The following MICAL2 variants were observed in gnomAD, a reference collection of about 807,000 sequenced individuals.
The protein encoded by MICAL2 is microtubule associated monooxygenase, calponin and LIM domain containing 2.
In MICAL2, 77 loss-of-function variants were observed where a neutral mutation model predicts 127.3. The observed-to-expected ratio is 0.60, with a 90% confidence interval of 0.50 to 0.73. The LOEUF (loss-of-function observed/expected upper bound fraction) is 0.73, where lower values mean the gene tolerates loss of function less well. Among genes scored for constraint, MICAL2 ranks in the 30% least tolerant of loss-of-function variants. MICAL2 has a pLI of 0.00. For missense variants in MICAL2, 1,351 were observed against 1,434.4 expected, an observed-to-expected ratio of 0.94 and a Z score of 0.94; for synonymous variants, 570 against 551.1, an observed-to-expected ratio of 1.03 and a Z score of -0.48.
At chr11:12,118,641 ATGT>A (rs1850245331) in intron 1 of MICAL2, among the ~76,000 whole-genome samples, 1 of 152,190 alleles carries the variant, frequency 6.6e-6, no homozygotes, top group Non-Finnish European at 1.5e-5. Context: ...CCTCAGGGGC[ATGT>A]TGTGGATGCA....
chr11:12,232,763 G>A (rs753404050), intron 15 of MICAL2, among the ~76,000 whole-genome samples: 2 of 152,126 alleles, frequency 1.3e-5, no homozygotes, highest in Non-Finnish European at 2.9e-5. Context: ...ACTAACACTA[G>A]CCTCACTAAT....
At chr11:12,289,725 T>C (rs1863873780), downstream of MICAL2, among the ~76,000 whole-genome samples, 1 of 152,036 alleles carries the variant, frequency 6.6e-6, no homozygotes, top group Non-Finnish European at 1.5e-5. Flanking sequence ...CGCACCACCA[T>C]GCCTGGCTAA....
intron 1 of MICAL2, among the ~76,000 whole-genome samples, chr11:12,114,667 G>T (rs1849857653): frequency 2.0e-5 from 3 of 152,188 alleles, no homozygotes; most frequent in Non-Finnish European, 2.9e-5. Flanking sequence ...CTCAGGAAAT[G>T]TGCTTTGAAT....
At chr11:12,152,054 G>A (rs1338505515) in intron 2 of MICAL2, among the ~76,000 whole-genome samples, 2 of 151,404 alleles carry the variant, frequency 1.3e-5, no homozygotes, top group Admixed American at 6.6e-5. Context: ...TTGGGAGGCC[G>A]AGGAGGGTGG....
At chr11:12,300,857 G>T (rs1009491032) in intron 29 of MICAL2, among the ~76,000 whole-genome samples, 2 of 152,130 alleles carry the variant, frequency 1.3e-5, no homozygotes, top group Admixed American at 1.3e-4. Flanking sequence ...CCAAACTTGT[G>T]GGAATTGGTT....
chr11:12,120,767 G>T (rs1303680550), intron 1 of MICAL2, among the ~76,000 whole-genome samples: 1 of 152,226 alleles, frequency 6.6e-6, no homozygotes, highest in Non-Finnish European at 1.5e-5. Context: ...CTGCTCTGAG[G>T]CATGGAGAGC....
chr11:12,304,192 A>G (rs1354920194), intron 29 of MICAL2, among the ~76,000 whole-genome samples: 2 of 152,178 alleles, frequency 1.3e-5, no homozygotes, highest in Non-Finnish European at 1.5e-5. Flanking sequence ...ATTGGACAAC[A>G]CTGTTACAGA....
At chr11:12,158,696 G>A (rs1854459044) in intron 2 of MICAL2, among the ~76,000 whole-genome samples, 2 of 152,120 alleles carry the variant, frequency 1.3e-5, no homozygotes, top group Admixed American at 1.3e-4. Flanking sequence ...TTTATATAAG[G>A]GACTTGAGCA....
intron 2 of MICAL2, among the ~76,000 whole-genome samples, chr11:12,159,062 C>A (rs560751594): frequency 1.2e-4 from 18 of 152,278 alleles, no homozygotes; most frequent in African/African-American, 4.3e-4. Flanking sequence ...ATCCAAGCTG[C>A]GCTTATCTTC....
chr11:12,159,335 TG>T (rs1322941567), intron 2 of MICAL2, among the ~76,000 whole-genome samples: 1 of 152,216 alleles, frequency 6.6e-6, no homozygotes, highest in African/African-American at 2.4e-5. Context: ...AAGGAGGAGC[TG>T]GCAACTTGGA....
At chr11:12,218,629 G>A (rs142475643) in intron 8 of MICAL2, among the ~76,000 whole-genome samples, 12 of 152,276 alleles carry the variant, frequency 7.9e-5, no homozygotes, top group South Asian at 2.1e-4. Flanking sequence ...ATGTGACCGC[G>A]GAAACAGGGA....
At chr11:12,177,122 G>A (rs7126639) in intron 3 of MICAL2, among the ~76,000 whole-genome samples, 107,438 of 152,066 alleles carry the variant, frequency 0.71, 38,287 homozygotes, top group African/African-American at 0.8. Context: ...ATTCCTACTA[G>A]CAATGTCCAA....
At chr11:12,152,407 C>G (rs1853698542) in intron 2 of MICAL2, among the ~76,000 whole-genome samples, 1 of 151,928 alleles carries the variant, frequency 6.6e-6, no homozygotes, top group African/African-American at 2.4e-5. Flanking sequence ...GCCTGTGGCC[C>G]CATCTACTTT....
chr11:12,234,862 T>G (rs1789900406), intron 15 of MICAL2, among the ~76,000 whole-genome samples: 1 of 152,062 alleles, frequency 6.6e-6, no homozygotes. Context: ...TGTGATCGGG[T>G]AGGTTAGGAT....
chr11:12,322,160 A>G (rs1164090190), intron 30 of MICAL2, among the ~76,000 whole-genome samples: 5 of 152,196 alleles, frequency 3.3e-5, no homozygotes, highest in Admixed American at 2.0e-4. Flanking sequence ...AGTATCTGGC[A>G]TATAGCATTT....
chr11:12,154,098 G>A (rs543745379), intron 2 of MICAL2, among the ~76,000 whole-genome samples: 101 of 152,300 alleles, frequency 6.6e-4, no homozygotes, highest in African/African-American at 2.3e-3. Context: ...GCTTTGGAAG[G>A]CACCTGCTGC....
chr11:12,194,493 C>A (rs548459477), intron 3 of MICAL2, among the ~76,000 whole-genome samples: 1 of 152,088 alleles, frequency 6.6e-6, no homozygotes, highest in Non-Finnish European at 1.5e-5. Context: ...GCTCTATTTC[C>A]GGATGTTATA....
chr11:12,315,099 A>G (rs1043632992), intron 29 of MICAL2, among the ~76,000 whole-genome samples: 5 of 152,156 alleles, frequency 3.3e-5, no homozygotes, highest in African/African-American at 1.2e-4. Flanking sequence ...TTTTTAAAGG[A>G]TATTTCTTTA....
chr11:12,294,791 C>T (rs1408383118), downstream of MICAL2: 2 of 1,594,074 alleles, frequency 1.3e-6, no homozygotes, highest in Non-Finnish European at 1.7e-6. Context: ...CTCCCTGCGC[C>T]AGGCAGCTCC....
Sources: allele counts gnomAD v4.1 joint callset (sites outside exome capture counted in the v4.1 genomes callset), GRCh38; gene constraint gnomAD v4.1.1; transcripts MANE v1.5; gene names NCBI Gene and HGNC (gene_info 2026-07-23, HGNC 2026-07-21).